Variants in VWA8 observed in about 807,000 individuals in gnomAD.
VWA8 encodes the protein von Willebrand factor A domain-containing protein 8.
A neutral mutation model predicts 241.5 loss-of-function variants in VWA8; 221 were observed. That is an observed-to-expected ratio of 0.91 (90% CI 0.82 to 1.02). VWA8 has a LOEUF of 1.02. VWA8 is among the 50% of genes least tolerant of loss of function. The pLI is 0.00. For synonymous variants in VWA8, 852 were observed against 827.1 expected (o/e 1.03, Z -0.52); for missense variants, 2,322 against 2,328.7 (o/e 1.00, Z 0.06).
chr13:41,763,408 G>A (rs578016080), intron 20 of VWA8, among the ~76,000 whole-genome samples: 11 of 152,220 alleles, frequency 7.2e-5, no homozygotes, highest in South Asian at 2.1e-4. Flanking sequence ...TAAGGTTATC[G>A]GAGCTGAATG....
intron 21 of VWA8, among the ~76,000 whole-genome samples, chr13:41,737,708 T>A (rs953252658): frequency 5.3e-5 from 8 of 152,234 alleles, no homozygotes; most frequent in African/African-American, 1.7e-4. Context: ...AATGTTCTCA[T>A]CACAAGTAAT....
At chr13:41,884,374 T>TGAA (rs3073844) in intron 8 of VWA8, among the ~76,000 whole-genome samples, 53,166 of 151,866 alleles carry the variant, frequency 0.35, 9,588 homozygotes, top group African/African-American at 0.45. Flanking sequence ...TGCCACCATG[T>TGAA]GAAGGACGTG....
chr13:41,677,778 T>TCATC (rs200806052), intron 35 of VWA8, among the ~76,000 whole-genome samples: 7,157 of 151,900 alleles, frequency 0.047, 369 homozygotes, highest in African/African-American at 0.13. Context: ...ATTTATCTAT[T>TCATC]CATCCATCCA....
chr13:41,808,016 A>C (rs1285194371), intron 17 of VWA8: 3 of 152,238 alleles, frequency 2.0e-5, no homozygotes, highest in African/African-American at 7.2e-5. Context: ...ACAGAAAAAA[A>C]TATTCCATGT....
intron 37 of VWA8, among the ~76,000 whole-genome samples, chr13:41,618,423 T>C (rs189312730): frequency 0.019 from 2,968 of 152,330 alleles, 93 homozygotes; most frequent in African/African-American, 0.067. Flanking sequence ...ATTCTGTAGG[T>C]TGCCTGTTCA....
intron 17 of VWA8, among the ~76,000 whole-genome samples, chr13:41,807,400 C>T (rs952659057): frequency 2.0e-5 from 3 of 152,096 alleles, no homozygotes; most frequent in African/African-American, 7.2e-5. Context: ...AAGAAAACTA[C>T]AGGCCAATAT....
At chr13:41,750,338 C>A (rs1246050330) in intron 21 of VWA8, among the ~76,000 whole-genome samples, 1 of 151,820 alleles carries the variant, frequency 6.6e-6, no homozygotes, top group Non-Finnish European at 1.5e-5. Flanking sequence ...GAGGCTGAGG[C>A]AGAAGAATTG....
intron 21 of VWA8, among the ~76,000 whole-genome samples, chr13:41,758,264 T>A (rs957967360): frequency 2.7e-5 from 4 of 150,350 alleles, no homozygotes; most frequent in Non-Finnish European, 4.5e-5. Context: ...CAATAGCAAA[T>A]TTAAAATTTG....
chr13:41,831,347 T>A (rs1250954950), intron 13 of VWA8, among the ~76,000 whole-genome samples: 5 of 152,184 alleles, frequency 3.3e-5, no homozygotes. Context: ...CAACTCCAGC[T>A]GTGCACCTTA....
At chr13:41,890,035 A>T (rs368318486) in intron 5 of VWA8, among the ~76,000 whole-genome samples, 9 of 152,374 alleles carry the variant, frequency 5.9e-5, no homozygotes, top group African/African-American at 1.4e-4. Context: ...ATCCTTGATT[A>T]TCTCCTTCTG....
At chr13:41,676,136 T>C (rs2045058746) in intron 35 of VWA8, among the ~76,000 whole-genome samples, 1 of 152,170 alleles carries the variant, frequency 6.6e-6, no homozygotes, top group Non-Finnish European at 1.5e-5. Context: ...TGTCTTTGTT[T>C]GGAAATTTAA....
At chr13:41,816,337 T>C (rs1380157692) in intron 16 of VWA8, among the ~76,000 whole-genome samples, 1 of 152,094 alleles carries the variant, frequency 6.6e-6, no homozygotes, top group Non-Finnish European at 1.5e-5. Flanking sequence ...CAATCAGAAA[T>C]GAGAAGTTAG....
At chr13:41,853,343 T>C (rs1872600213) in intron 12 of VWA8, among the ~76,000 whole-genome samples, 1 of 152,174 alleles carries the variant, frequency 6.6e-6, no homozygotes, top group South Asian at 2.1e-4. Context: ...TTTTCTTTTC[T>C]TGTAGTGTGC....
rs550145113 is a variant in VWA8, at chr13:41,731,502, T to G, written c.2502+578A>C. Among the ~76,000 whole-genome samples the G allele has an allele frequency of 3.4e-4, 52 of 152,290 alleles. 1 individual carries two copies. The South Asian group carries it at 0.011, about 32-fold the overall frequency. ...GAGGATTGCTGTCATTCTCTAAATC[T>G]CTCACTCTGAAGAGAGAAGAACAAA... On this transcript the variant is annotated intron_variant, in intron 22 of 44. Transcript: ENST00000379310.
At position 41,670,360 on chromosome 13, in the gene VWA8, G is replaced by A. The variant is rs150976265; in HGVS notation, c.4611+586C>T. ...TTAGATGATGACTGAGTCATTTCTGGAGTTATCAGGTTTCTTTTCACTTTG... is the reference window on the plus strand; with the variant it reads ...TTAGATGATGACTGAGTCATTTCTGAAGTTATCAGGTTTCTTTTCACTTTG... On this transcript the variant is annotated intron_variant, in intron 37 of 44. Transcript: ENST00000379310. Among the ~76,000 whole-genome samples, 303 of 150,748 alleles carry A rather than the reference G, an allele frequency of 2.0e-3. 2 individuals carry two copies. Among genetic ancestry groups the A allele is most frequent in the South Asian group, 0.011 (50 of 4,728 alleles).
At chr13:41,853,829 T>C (rs1232488702) in intron 12 of VWA8, among the ~76,000 whole-genome samples, 1 of 152,210 alleles carries the variant, frequency 6.6e-6, no homozygotes, top group Non-Finnish European at 1.5e-5. Context: ...GTGGTTTTTC[T>C]GTTTTCTATT....
chr13:41,750,235 C>T (rs903132347), intron 21 of VWA8, among the ~76,000 whole-genome samples: 4 of 151,908 alleles, frequency 2.6e-5, no homozygotes, highest in African/African-American at 7.3e-5. Context: ...GAGATCGAGA[C>T]CATCCTGGCC....
chr13:41,797,836 T>C (rs2137956703), intron 17 of VWA8, among the ~76,000 whole-genome samples: 1 of 152,320 alleles, frequency 6.6e-6, no homozygotes. Flanking sequence ...TAATTGGTTT[T>C]TGTCTTTTAA....
intron 2 of VWA8, chr13:41,926,054 G>A (rs540290890): frequency 3.1e-5 from 14 of 456,944 alleles, no homozygotes; most frequent in Admixed American, 5.9e-5. Flanking sequence ...AGGGGGTCAA[G>A]TTGCAAGTCA....
Sources: allele counts gnomAD v4.1 joint callset (sites outside exome capture counted in the v4.1 genomes callset), GRCh38; gene constraint gnomAD v4.1.1; transcripts MANE v1.5; gene names NCBI Gene and HGNC (gene_info 2026-07-23, HGNC 2026-07-21).